Variants in BRINP2 observed in about 807,000 individuals in gnomAD.
The protein encoded by BRINP2 is BMP/retinoic acid-inducible neural-specific protein 2.
BRINP2 carries 21 observed loss-of-function variants against 69.2 expected under a neutral mutation model. That is an observed-to-expected ratio of 0.30 (90% CI 0.22 to 0.44). The LOEUF (loss-of-function observed/expected upper bound fraction) is 0.44, where lower values mean the gene tolerates loss of function less well. Ranked by LOEUF, BRINP2 falls within the 20% of genes least tolerant of loss-of-function variation. The pLI is 1.00. For synonymous variants in BRINP2, 380 were observed against 394.1 expected (o/e 0.96, Z 0.42); for missense variants, 877 against 986.0 (o/e 0.89, Z 1.48).
At chr1:177,238,385 C>A (rs1321713537) in intron 2 of BRINP2, among the ~76,000 whole-genome samples, 3 of 152,166 alleles carry the variant, frequency 2.0e-5, no homozygotes, top group Non-Finnish European at 2.9e-5. Context: ...GCCTTTGCCC[C>A]AAACTAAAGT....
chr1:177,172,993 C>T (rs1353185529), intron 1 of BRINP2, among the ~76,000 whole-genome samples: 1 of 152,204 alleles, frequency 6.6e-6, no homozygotes, highest in East Asian at 1.9e-4. Flanking sequence ...CGCTAAAATA[C>T]ATGCAATGCC....
intron 6 of BRINP2, among the ~76,000 whole-genome samples, 153 bp from the exon 7 acceptor site, chr1:177,278,410 A>AT (rs888539961): frequency 2.5e-4 from 38 of 152,074 alleles, no homozygotes; most frequent in African/African-American, 9.2e-4. Context: ...AAAGGTGTTG[A>AT]TTTTTTTAAA....
chr1:177,219,834 AT>A (rs1270772184), intron 1 of BRINP2, among the ~76,000 whole-genome samples: 1 of 152,174 alleles, frequency 6.6e-6, no homozygotes, highest in African/African-American at 2.4e-5. Flanking sequence ...GCTTGGGTTT[AT>A]TTTGGCTTCC....
intron 6 of BRINP2, among the ~76,000 whole-genome samples, chr1:177,278,125 CAGTCTGGGTGCACA>C (rs571380607): frequency 3.8e-4 from 58 of 152,230 alleles, no homozygotes; most frequent in Middle Eastern, 3.4e-3. Context: ...CCACATGTGC[CAGTCTGGGTGCACA>C]CTCACCTTCA....
intron 1 of BRINP2, among the ~76,000 whole-genome samples, chr1:177,174,673 G>T (rs1356623590): frequency 6.6e-6 from 1 of 152,198 alleles, no homozygotes; most frequent in Non-Finnish European, 1.5e-5. Context: ...AATAACTGCA[G>T]CACTGTTGGG....
intron 5 of BRINP2, chr1:177,275,096 G>A (rs770478963): frequency 5.3e-5 from 24 of 456,008 alleles, no homozygotes; most frequent in Non-Finnish European, 8.8e-5. Flanking sequence ...TCACAGTGTC[G>A]CTACTGGGGA....
In BRINP2 at chr1:177,276,067, G is replaced by A. The variant is rs147744228; in HGVS notation, c.776-131G>A. The A allele has an allele frequency of 6.5e-4, 526 of 810,670 alleles. 7 individuals carry two copies. In the East Asian group the frequency reaches 0.013, roughly 20 times the overall value. 50.2% of individuals were successfully genotyped at this position (810,670 alleles called of 1,614,324 possible). On this transcript the variant is annotated intron_variant, in intron 5 of 7. Coordinates refer to ENST00000361539, the MANE Select transcript of BRINP2 (RefSeq NM_021165.4). ...AACCAGCTCAGCAGGATTAGGCCCT[G>A]TGGTGCCCATGCTTGGGCCCAGGAT...
At chr1:177,269,068 C>T (rs1651224034) in intron 4 of BRINP2, among the ~76,000 whole-genome samples, 1 of 152,158 alleles carries the variant, frequency 6.6e-6, no homozygotes, top group African/African-American at 2.4e-5. Context: ...TTCACTCCAA[C>T]CCCCATGTAC....
intron 2 of BRINP2, among the ~76,000 whole-genome samples, chr1:177,243,103 G>A (rs985006904): frequency 4.0e-5 from 6 of 151,840 alleles, no homozygotes; most frequent in African/African-American, 1.5e-4. Context: ...TTCATTTTGT[G>A]AGGGGTCGCC....
At position 177,230,032 on chromosome 1, in the gene BRINP2, G is replaced by GC. The variant is rs1312625482; in HGVS notation, c.157dup (p.His53ProfsTer21). On this transcript the variant is annotated frameshift_variant, in exon 2 of 8. Coordinates refer to ENST00000361539, the MANE Select transcript of BRINP2 (RefSeq NM_021165.4). LOFTEE classifies it high-confidence loss of function. ...AGCAGCATGCCTCCGTAGCTGGCCA[G>GC]CATCCCCTGGACTGGCTGCTCACAG... 1.9e-6 allele frequency: 3 copies of GC among 1,613,816 alleles called. No individual in the cohort carries two copies. Among genetic ancestry groups the GC allele is most frequent in the Non-Finnish European group, 2.5e-6 (3 of 1,180,006 alleles).
chr1:177,264,986 C>T (rs541147489), intron 4 of BRINP2, among the ~76,000 whole-genome samples: 10 of 152,192 alleles, frequency 6.6e-5, no homozygotes, highest in Middle Eastern at 3.4e-3. Context: ...AAATAGAGCC[C>T]GCGTAGCCAA....
At chr1:177,212,018 A>G (rs532215446) in intron 1 of BRINP2, among the ~76,000 whole-genome samples, 2 of 152,280 alleles carry the variant, frequency 1.3e-5, no homozygotes, top group Admixed American at 6.5e-5. Flanking sequence ...ATATCAATCA[A>G]TCTACCTACC....
intron 1 of BRINP2, among the ~76,000 whole-genome samples, chr1:177,188,296 G>A (rs1450011768): frequency 6.6e-6 from 1 of 152,056 alleles, no homozygotes; most frequent in Non-Finnish European, 1.5e-5. Context: ...TAGGAGCTAG[G>A]AAAGTAGCAG....
chr1:177,187,531 T>C (rs1005317456), intron 1 of BRINP2, among the ~76,000 whole-genome samples: 1 of 152,142 alleles, frequency 6.6e-6, no homozygotes, highest in African/African-American at 2.4e-5. Context: ...GGGTCAGGCA[T>C]GGAGTGAGGA....
chr1:177,214,031 C>T (rs1649302039), intron 1 of BRINP2, among the ~76,000 whole-genome samples: 1 of 152,104 alleles, frequency 6.6e-6, no homozygotes. Context: ...TACTCAAGTT[C>T]TTCTATGGGG....
chr1:177,244,686 C>T (rs895174532), intron 2 of BRINP2, among the ~76,000 whole-genome samples: 17 of 151,974 alleles, frequency 1.1e-4, no homozygotes, highest in Non-Finnish European at 2.2e-4. Flanking sequence ...TGTGCAGGTT[C>T]GCCGGGTTAG....
At chr1:177,187,691 C>T (rs1331232352) in intron 1 of BRINP2, among the ~76,000 whole-genome samples, 2 of 152,170 alleles carry the variant, frequency 1.3e-5, no homozygotes, top group Non-Finnish European at 2.9e-5. Context: ...TCTTGTTCTG[C>T]TCTTGAACAG....
chr1:177,241,976 A>G (rs1010996871), intron 2 of BRINP2, among the ~76,000 whole-genome samples: 4 of 152,190 alleles, frequency 2.6e-5, no homozygotes, highest in Non-Finnish European at 5.9e-5. Flanking sequence ...TTGATTTTGT[A>G]TACCTAGATT....
In BRINP2 at chr1:177,224,589, C is replaced by CT. The variant is rs113688655; in HGVS notation, c.-76-5199dup. Among the ~76,000 whole-genome samples the CT allele has an allele frequency of 2.7e-3, 387 of 143,444 alleles. 5 individuals carry two copies. The highest frequency in any genetic ancestry group is 0.016 in the East Asian group (81 of 4,946). 94.1% of individuals were successfully genotyped at this position (143,444 alleles called of 152,430 possible). On this transcript the variant is annotated intron_variant, in intron 1 of 7. Coordinates refer to ENST00000361539, the MANE Select transcript of BRINP2 (RefSeq NM_021165.4). ...GCCAACTTGTAAGTGGCAAAGGCTC[C>CT]TTTTTTTTTTTTTAATAGCTGTAAT...
Sources: allele counts gnomAD v4.1 joint callset (sites outside exome capture counted in the v4.1 genomes callset), GRCh38; gene constraint gnomAD v4.1.1; transcripts MANE v1.5; gene names NCBI Gene and HGNC (gene_info 2026-07-23, HGNC 2026-07-21).